The following HS3ST5 variants were observed in gnomAD, a reference collection of about 807,000 sequenced individuals.
HS3ST5 encodes the protein heparan sulfate-glucosamine 3-sulfotransferase 5, also known as heparan sulfate glucosamine 3-O-sulfotransferase 5.
In HS3ST5, 10 loss-of-function variants were observed where a neutral mutation model predicts 25.4. That is an observed-to-expected ratio of 0.39 (90% CI 0.24 to 0.67). HS3ST5 has a LOEUF of 0.67. HS3ST5 is among the 30% of genes least tolerant of loss of function. HS3ST5 has a pLI of 0.44. For synonymous variants in HS3ST5, 170 were observed against 162.4 expected, an observed-to-expected ratio of 1.05 and a Z score of -0.36; for missense variants, 324 against 420.7, an observed-to-expected ratio of 0.77 and a Z score of 2.01.
intron 1 of HS3ST5, among the ~76,000 whole-genome samples, chr6:114,316,557 T>C (rs1431700805): frequency 6.6e-6 from 1 of 152,068 alleles, no homozygotes; most frequent in Non-Finnish European, 1.5e-5. Flanking sequence ...ATTCCAGATA[T>C]ACGCAAAAGT....
intron 1 of HS3ST5, among the ~76,000 whole-genome samples, chr6:114,239,944 A>G (rs1190174583): frequency 6.6e-6 from 1 of 152,110 alleles, no homozygotes; most frequent in Non-Finnish European, 1.5e-5. Context: ...CTTTGCCAGC[A>G]CAAAGCTCAT....
intron 1 of HS3ST5, among the ~76,000 whole-genome samples, chr6:114,270,450 A>T (rs1773591684): frequency 6.6e-6 from 1 of 152,212 alleles, no homozygotes; most frequent in African/African-American, 2.4e-5. Flanking sequence ...GCATTATAAA[A>T]TTTCATTTTG....
chr6:114,190,934 A>G (rs1365837436), intron 2 of HS3ST5, among the ~76,000 whole-genome samples: 3 of 152,164 alleles, frequency 2.0e-5, no homozygotes, highest in African/African-American at 7.2e-5. Flanking sequence ...TAACATGTAT[A>G]TTAGTTATTT....
intron 3 of HS3ST5, among the ~76,000 whole-genome samples, chr6:114,106,619 G>T (rs2063366244): frequency 6.6e-6 from 1 of 152,060 alleles, no homozygotes; most frequent in African/African-American, 2.4e-5. Context: ...GAAGTTGGGA[G>T]AATATTTAAC....
intron 3 of HS3ST5, among the ~76,000 whole-genome samples, chr6:114,063,514 G>T (rs796464787): frequency 1.0e-5 from 1 of 98,482 alleles, no homozygotes; most frequent in East Asian, 3.1e-4. Flanking sequence ...ACCTGTCTCA[G>T]AAAAAAAAAA....
At chr6:114,165,684 C>T (rs1180373910) in intron 3 of HS3ST5, among the ~76,000 whole-genome samples, 3 of 152,122 alleles carry the variant, frequency 2.0e-5, no homozygotes, top group South Asian at 2.1e-4. Context: ...CACTGAACCT[C>T]GCGCTCACTT....
intron 1 of HS3ST5, among the ~76,000 whole-genome samples, chr6:114,341,578 C>T (rs555390058): frequency 5.9e-4 from 87 of 146,628 alleles, no homozygotes; most frequent in African/African-American, 2.1e-3. Flanking sequence ...CACCCTTCGA[C>T]TGCATCCATC....
intron 2 of HS3ST5, among the ~76,000 whole-genome samples, chr6:114,175,001 A>C (rs1406258077): frequency 6.6e-6 from 1 of 152,218 alleles, no homozygotes; most frequent in African/African-American, 2.4e-5. Flanking sequence ...AAAAGAAAAA[A>C]GAAAAGTGCA....
chr6:114,302,198 G>A (rs1775105920), intron 1 of HS3ST5, among the ~76,000 whole-genome samples: 1 of 152,054 alleles, frequency 6.6e-6, no homozygotes, highest in South Asian at 2.1e-4. Context: ...TAATATATTT[G>A]TTAGGCTCAA....
At chr6:114,318,250 A>G (rs1308182205) in intron 1 of HS3ST5, among the ~76,000 whole-genome samples, 1 of 152,220 alleles carries the variant, frequency 6.6e-6, no homozygotes, top group Non-Finnish European at 1.5e-5. Flanking sequence ...AGCCAGAAGC[A>G]TAGGACATAT....
intron 3 of HS3ST5, among the ~76,000 whole-genome samples, chr6:114,139,784 A>C (rs1256411340): frequency 2.6e-5 from 4 of 152,188 alleles, no homozygotes; most frequent in African/African-American, 9.6e-5. Flanking sequence ...TCAAGAGACC[A>C]CCTGGGTTCT....
chr6:114,256,867 A>G (rs1370694555), intron 1 of HS3ST5, among the ~76,000 whole-genome samples: 1 of 152,216 alleles, frequency 6.6e-6, no homozygotes, highest in Non-Finnish European at 1.5e-5. Context: ...CACTGCTTAT[A>G]AAGACATACC....
chr6:114,131,760 G>A (rs1582634837), intron 3 of HS3ST5, among the ~76,000 whole-genome samples: 1 of 152,176 alleles, frequency 6.6e-6, no homozygotes, highest in South Asian at 2.1e-4. Context: ...TTTTACTTCT[G>A]TGAAATCATT....
intron 3 of HS3ST5, among the ~76,000 whole-genome samples, chr6:114,164,225 T>C (rs989920341): frequency 8.5e-5 from 13 of 152,148 alleles, no homozygotes; most frequent in African/African-American, 3.1e-4. Flanking sequence ...ATTTGTATAG[T>C]TTAGAAAATA....
At chr6:114,177,090 A>G (rs887172805) in intron 2 of HS3ST5, among the ~76,000 whole-genome samples, 23 of 152,306 alleles carry the variant, frequency 1.5e-4, no homozygotes, top group South Asian at 1.4e-3. Context: ...TCAGAATTGC[A>G]ATGCAGTTCT....
intron 3 of HS3ST5, among the ~76,000 whole-genome samples, chr6:114,166,241 T>C (rs1371196329): frequency 6.6e-6 from 1 of 152,050 alleles, no homozygotes; most frequent in African/African-American, 2.4e-5. Context: ...ACAGTAAACT[T>C]AATGTATCAT....
Position 114,057,386 on chromosome 6 carries a change from G to A in HS3ST5, c.912C>T (p.Cys304=). The change falls in exon 5 of 5, where the codon TGC becomes TGT. Residue 304 remains cysteine, a synonymous_variant. Transcript: ENST00000312719. ...GAATGCGCCCCTTGCTGCCCGCCAG[G>A]CACTTATTAAAGATAATATTAAACC... The part of the protein sequence containing the change: ...CLRFNIIFNK[C]LAGSKGRIHP... 1.9e-6 allele frequency: 3 copies of A among 1,614,092 alleles called. No individual in the cohort carries two copies. The highest frequency in any genetic ancestry group is 2.5e-6 in the Non-Finnish European group (3 of 1,180,004).
At chr6:114,092,309 G>C (rs1377298082) in intron 3 of HS3ST5, among the ~76,000 whole-genome samples, 1 of 152,222 alleles carries the variant, frequency 6.6e-6, no homozygotes. Flanking sequence ...GCTGCTGAAT[G>C]GGTGAATGAA....
chr6:114,314,980 T>A (rs1241946194), intron 1 of HS3ST5, among the ~76,000 whole-genome samples: 4 of 152,192 alleles, frequency 2.6e-5, no homozygotes, highest in Non-Finnish European at 5.9e-5. Flanking sequence ...ACAATTTTTT[T>A]AAAGTAAGAT....
Sources: allele counts gnomAD v4.1 joint callset (sites outside exome capture counted in the v4.1 genomes callset), GRCh38; gene constraint gnomAD v4.1.1; transcripts MANE v1.5; gene names NCBI Gene and HGNC (gene_info 2026-07-23, HGNC 2026-07-21).